RIIAD1: variants seen among roughly 807,000 people sequenced by gnomAD.
RIIAD1 encodes regulatory subunit of type II PKA R-subunit domain containing 1, also known as RIIa domain-containing protein 1.
RIIAD1 carries 15 observed loss-of-function variants against 13.3 expected under a neutral mutation model. That is an observed-to-expected ratio of 1.13 (90% CI 0.76 to 1.74). RIIAD1 has a LOEUF of 1.74. Ranked by LOEUF, RIIAD1 falls within the 40% of genes most tolerant of loss-of-function variation. The pLI is 0.00. For synonymous variants in RIIAD1, 50 were observed against 43.3 expected, an observed-to-expected ratio of 1.16 and a Z score of -0.61; for missense variants, 121 against 112.2, an observed-to-expected ratio of 1.08 and a Z score of -0.35.
chr1:151,728,482 GGGGGGT>G, intron 3 of RIIAD1: 1 of 252,110 alleles, frequency 4.0e-6, no homozygotes, highest in South Asian at 4.5e-5. Flanking sequence ...CGGGGTAGGT[GGGGGGT>G]GGGGGGTGGG....
At chr1:151,716,575 C>T (rs569912984), upstream of RIIAD1, 2 of 344,780 alleles carry the variant, frequency 5.8e-6, no homozygotes, top group South Asian at 4.3e-5. Context: ...CTGCTGGGTC[C>T]GAAGATCCCT....
At chr1:151,713,578 G>A (rs1673202527) in intron 3 of RIIAD1, 1 of 152,196 alleles carries the variant, frequency 6.6e-6, no homozygotes, top group African/African-American at 2.4e-5. Flanking sequence ...AGTTGGGACT[G>A]GATGGGGACC....
intron 2 of RIIAD1, 112 bp from the exon 3 acceptor site, chr1:151,727,463 C>T: frequency 1.3e-6 from 1 of 748,364 alleles, no homozygotes; most frequent in South Asian, 1.5e-5. Context: ...TTATTGACTC[C>T]CAAGATGGTT....
intron 4 of RIIAD1, chr1:151,715,568 C>T: frequency 7.4e-7 from 1 of 1,350,338 alleles, no homozygotes; most frequent in Non-Finnish European, 9.8e-7. Flanking sequence ...CCCAAACCAG[C>T]TCTCTTGTCC....
At chr1:151,716,087 A>C (rs972332148) in intron 4 of RIIAD1, 11 of 1,503,010 alleles carry the variant, frequency 7.3e-6, no homozygotes, top group Non-Finnish European at 9.8e-6. Context: ...GGAGCTGCCC[A>C]GCAAGGAGAT....
intron 2 of RIIAD1, among the ~76,000 whole-genome samples, chr1:151,726,096 C>G (rs1673824549): frequency 6.6e-6 from 1 of 152,160 alleles, no homozygotes. Context: ...TGCTGTTTCC[C>G]TGGATCTGGA....
intron 4 of RIIAD1, chr1:151,714,810 AG>A: frequency 1.5e-6 from 1 of 684,164 alleles, no homozygotes; most frequent in Non-Finnish European, 2.6e-6. Flanking sequence ...TGGGGTAGAG[AG>A]GTGTCTCCAA....
chr1:151,718,858 T>C (rs1673677527), upstream of RIIAD1, among the ~76,000 whole-genome samples: 1 of 152,128 alleles, frequency 6.6e-6, no homozygotes, highest in African/African-American at 2.4e-5. Flanking sequence ...TGCCTTCTAA[T>C]CTGATCTTGG....
Position 151,728,804 on chromosome 1 carries a change from A to T in RIIAD1, c.247A>T (p.Met83Leu), listed in dbSNP as rs769106831. ...TCCAAGACTTCCCAACAAGATTCACATGCAGCTAATTAAAGACAAGAAAGC... is the reference window on the plus strand; with the variant it reads ...TCCAAGACTTCCCAACAAGATTCACTTGCAGCTAATTAAAGACAAGAAAGC... ...TDPRLPNKIH[M>L]QLIKDKKAA The change falls in exon 4 of 5, where the codon ATG becomes TTG. Residue 83 changes from methionine to leucine, a missense_variant. Transcript: ENST00000479191. 28 of 1,546,208 alleles carry T rather than the reference A, an allele frequency of 1.8e-5. No homozygotes were observed. The highest frequency in any genetic ancestry group is 1.2e-5 in the South Asian group (1 of 83,946).
intron 2 of RIIAD1, among the ~76,000 whole-genome samples, chr1:151,725,846 A>C (rs1034600055): frequency 2.0e-5 from 3 of 152,054 alleles, no homozygotes; most frequent in African/African-American, 7.2e-5. Context: ...GTCCCTCCCC[A>C]GCATTCAAGG....
chr1:151,728,290 G>A, intron 3 of RIIAD1: 1 of 176,094 alleles, frequency 5.7e-6, no homozygotes, highest in Non-Finnish European at 1.2e-5. Flanking sequence ...TCCTCTGAGA[G>A]GGTATTCTCA....
chr1:151,725,367 C>T (rs1411327306), intron 2 of RIIAD1, among the ~76,000 whole-genome samples: 2 of 152,174 alleles, frequency 1.3e-5, no homozygotes, highest in Non-Finnish European at 2.9e-5. Flanking sequence ...GCCTCGGCCT[C>T]CCAAAGTGCT....
At chr1:151,725,498 CAT>C (rs1673814126) in intron 2 of RIIAD1, among the ~76,000 whole-genome samples, 1 of 152,122 alleles carries the variant, frequency 6.6e-6, no homozygotes, top group East Asian at 1.9e-4. Context: ...TGAAAAGTGA[CAT>C]ATCCTAAGCT....
chr1:151,713,175 G>C (rs113543271), intron 2 of RIIAD1, among the ~76,000 whole-genome samples: 1 of 152,164 alleles, frequency 6.6e-6, no homozygotes, highest in Admixed American at 6.5e-5. Flanking sequence ...AGAATTCAGC[G>C]TCACCTAGAA....
In RIIAD1 at chr1:151,716,137, C is replaced by T. The variant is rs1673463110; in HGVS notation, c.21+1608C>T. The T allele has an allele frequency of 4.7e-6, 5 of 1,070,900 alleles. No individual in the cohort carries two copies. The South Asian group carries it at 6.7e-5, about 14-fold the overall frequency. The allele number at this position is 1,070,900 out of a possible 1,614,324, so 66.3% of individuals were successfully genotyped here. ...GGGGGCCCAGCTGGGGCTGGCTTTC[C>T]CTTTGGCCCCCAACCACGCTGCTAA... On this transcript the variant is annotated intron_variant, in intron 4 of 8. Transcript: ENST00000326413.
intron 3 of RIIAD1, 97 bp from the exon 4 acceptor site, chr1:151,728,669 C>T: frequency 1.4e-6 from 1 of 736,222 alleles, no homozygotes; most frequent in Non-Finnish European, 2.4e-6. Context: ...GCGTACCAAG[C>T]CATCCTAACT....
chr1:151,728,614 T>C, intron 3 of RIIAD1, 152 bp from the exon 4 acceptor site: 1 of 622,300 alleles, frequency 1.6e-6, no homozygotes, highest in African/African-American at 1.8e-5. Context: ...CCGTTCATTT[T>C]ACCATATTAC....
intron 3 of RIIAD1, 78 bp from the exon 4 acceptor site, chr1:151,728,688 G>A (rs1647233168): frequency 4.7e-6 from 4 of 844,748 alleles, no homozygotes; most frequent in African/African-American, 3.4e-5. Flanking sequence ...CTTTTTGGTG[G>A]AGTAAGCTGT....
intron 3 of RIIAD1, 100 bp from the exon 4 acceptor site, chr1:151,728,666 A>C (rs1647233004): frequency 1.6e-5 from 12 of 731,168 alleles, no homozygotes; most frequent in Non-Finnish European, 2.0e-5. Context: ...CCTGCGTACC[A>C]AGCCATCCTA....
Sources: allele counts gnomAD v4.1 joint callset (sites outside exome capture counted in the v4.1 genomes callset), GRCh38; gene constraint gnomAD v4.1.1; transcripts MANE v1.5; gene names NCBI Gene and HGNC (gene_info 2026-07-23, HGNC 2026-07-21).